RIPK4: variants seen among roughly 807,000 people sequenced by gnomAD.
The protein encoded by RIPK4 is receptor interacting serine/threonine kinase 4.
A neutral mutation model predicts 42.9 loss-of-function variants in RIPK4; 17 were observed. The ratio of observed to expected loss-of-function variants is 0.40; its 90% confidence interval spans 0.27 to 0.59. The LOEUF (loss-of-function observed/expected upper bound fraction) is 0.59, where lower values mean the gene tolerates loss of function less well. Among genes scored for constraint, RIPK4 ranks in the 20% least tolerant of loss-of-function variants. RIPK4 has a pLI of 0.47. For missense variants in RIPK4, 897 were observed against 1,104.4 expected (o/e 0.81, Z 2.66); for synonymous variants, 498 against 499.1 (o/e 1.00, Z 0.03).
rs749072810 is a variant in RIPK4 at position 41,756,673 on chromosome 21, G to C, written c.326C>G (p.Ala109Gly). The change falls in exon 2 of 8, where the codon GCT (alanine) becomes GGT (glycine). Residue 109 changes from alanine to glycine, a missense_variant. Coordinates refer to ENST00000332512, the MANE Select transcript of RIPK4 (RefSeq NM_020639.3). ...GAGATCCCATGGCAATGGCTCCGAAGCCAGCAGCTTTTCCAGGGAGCCCGT... is the reference window on the plus strand; with the variant it reads ...GAGATCCCATGGCAATGGCTCCGAACCCAGCAGCTTTTCCAGGGAGCCCGT... ...METGSLEKLL[A>G]SEPLPWDLRF... 1 of 1,614,210 alleles carries C rather than the reference G, an allele frequency of 6.2e-7. No individual in the cohort carries two copies. Among genetic ancestry groups the C allele is most frequent in the Non-Finnish European group, 8.5e-7 (1 of 1,180,050 alleles).
At chr21:41,754,697 C>G (rs1882736205) in intron 2 of RIPK4, among the ~76,000 whole-genome samples, 1 of 152,232 alleles carries the variant, frequency 6.6e-6, no homozygotes, top group African/African-American at 2.4e-5. Context: ...AAAAGCCCCA[C>G]CCTGTGTGAA....
chr21:41,758,041 T>TAGAGAGAGAGAGAG (rs71188681), intron 1 of RIPK4, among the ~76,000 whole-genome samples: 6 of 58,486 alleles, frequency 1.0e-4, no homozygotes, highest in South Asian at 6.7e-4. Context: ...TATATATATA[T>TAGAGAGAGAGAGAG]AGAGAGAGAG....
chr21:41,766,554 C>T (rs1483071233), intron 1 of RIPK4, among the ~76,000 whole-genome samples: 3 of 152,118 alleles, frequency 2.0e-5, no homozygotes, highest in African/African-American at 7.2e-5. Context: ...CACGACTGGG[C>T]GCCTTAGGAC....
At chr21:41,756,417 T>A in intron 2 of RIPK4, 108 bp downstream of exon 2, 1 of 1,347,518 alleles carries the variant, frequency 7.4e-7, no homozygotes, top group Non-Finnish European at 1.0e-6. Context: ...AAGAACCACC[T>A]CCTCTTCTGC....
intron 1 of RIPK4, among the ~76,000 whole-genome samples, chr21:41,763,901 T>C (rs1401513465): frequency 6.6e-6 from 1 of 152,116 alleles, no homozygotes; most frequent in Non-Finnish European, 1.5e-5. Flanking sequence ...ACGGGGCCTT[T>C]GGGATCACTT....
At chr21:41,759,702 C>T (rs1191000763) in intron 1 of RIPK4, among the ~76,000 whole-genome samples, 2 of 152,242 alleles carry the variant, frequency 1.3e-5, no homozygotes, top group South Asian at 2.1e-4. Flanking sequence ...CATTTCCTCG[C>T]CTGCTGGTGA....
At position 41,741,134 on chromosome 21, in the gene RIPK4, T is replaced by C. The variant is rs778622187; in HGVS notation, c.2059A>G (p.Lys687Glu). 1.9e-6 allele frequency: 3 copies of C among 1,612,826 alleles called. No homozygotes were observed. The East Asian group carries it at 6.7e-5, about 36-fold the overall frequency. Residue 687 changes from lysine to glutamate, a missense_variant, in exon 8 of 8, where the codon AAG becomes GAG. Transcript: ENST00000332512. ...AARNGHLATV[K>E]LLVEEKADVL... The stretch of plus-strand genomic sequence containing the variant: ...TCGGCCTTCTCCTCGACAAGCAGCT[T>C]GACAGTGGCCAGGTGTCCGTTGCGG...
At chr21:41,743,413 T>TC (rs1285561915) in intron 7 of RIPK4, among the ~76,000 whole-genome samples, 1 of 152,204 alleles carries the variant, frequency 6.6e-6, no homozygotes, top group Non-Finnish European at 1.5e-5. Flanking sequence ...TGGTAAAACC[T>TC]CCAAGGATAA....
In RIPK4 at chr21:41,744,088, T is replaced by C. The variant is rs1056931867; in HGVS notation, c.989A>G (p.Tyr330Cys). Residue 330 changes from tyrosine to cysteine, a missense_variant, in exon 7 of 8, where the codon TAC becomes TGC. Physicochemically the swap from Tyr to Cys is radical, Grantham distance 194. Transcript: ENST00000332512. ...CTGTGAGAGCAGCTCGGAGAGGCTG[T>C]AGTCGTTATCGAAGGTGGGGGCAGA... ...RASAPTFDND[Y>C]SLSELLSQLD... 4 of 1,609,412 alleles carry C rather than the reference T, an allele frequency of 2.5e-6. No homozygotes were observed. Among genetic ancestry groups the C allele is most frequent in the African/African-American group, 2.7e-5 (2 of 74,802 alleles).
At chr21:41,748,153 G>C (rs1183626177) in intron 4 of RIPK4, among the ~76,000 whole-genome samples, 5 of 152,214 alleles carry the variant, frequency 3.3e-5, no homozygotes, top group African/African-American at 1.2e-4. Flanking sequence ...GGCCAGCAGA[G>C]GCCTGGCAGG....
Position 41,754,836 on chromosome 21 carries a change from C to T in RIPK4, c.474+1689G>A, listed in dbSNP as rs975244123. On this transcript the variant is annotated intron_variant, in intron 2 of 7. Coordinates refer to ENST00000332512, the MANE Select transcript of RIPK4 (RefSeq NM_020639.3). ...CATTTGGTTTCTTTCATGTCAAGCA[C>T]AGTGGCAGGCCAGGTGGAAATCAAG... 5.9e-5 allele frequency among the ~76,000 whole-genome samples: 9 copies of T among 152,288 alleles called. No homozygotes were observed. In the East Asian group the frequency reaches 1.7e-3, roughly 29 times the overall value.
At chr21:41,766,651 G>A (rs574018019) in intron 1 of RIPK4, among the ~76,000 whole-genome samples, 20 of 152,202 alleles carry the variant, frequency 1.3e-4, no homozygotes, top group African/African-American at 4.6e-4. Flanking sequence ...ATCGAGCCCG[G>A]GCTCGCCAAA....
chr21:41,748,069 T>C (rs753782703), intron 4 of RIPK4, among the ~76,000 whole-genome samples: 2 of 152,240 alleles, frequency 1.3e-5, no homozygotes, highest in Non-Finnish European at 2.9e-5. Flanking sequence ...GCCTTCGGGC[T>C]GTAGGCCACT....
chr21:41,750,957 C>A, intron 3 of RIPK4, 140 bp downstream of exon 3: 1 of 1,040,828 alleles, frequency 9.6e-7, no homozygotes, highest in East Asian at 2.6e-5. Context: ...GGATTACAGG[C>A]GTGAGTCACC....
intron 3 of RIPK4, among the ~76,000 whole-genome samples, chr21:41,749,675 C>T (rs1301575625): frequency 6.6e-6 from 1 of 152,148 alleles, no homozygotes; most frequent in Non-Finnish European, 1.5e-5. Flanking sequence ...GCGTTCCTAA[C>T]GTAGGCTTGC....
At chr21:41,764,686 C>T (rs1432509131) in intron 1 of RIPK4, among the ~76,000 whole-genome samples, 2 of 152,186 alleles carry the variant, frequency 1.3e-5, no homozygotes, top group Admixed American at 6.5e-5. Context: ...TGCAATGCAA[C>T]CAGCTCCTGG....
At chr21:41,764,006 T>C (rs1392936728) in intron 1 of RIPK4, among the ~76,000 whole-genome samples, 11 of 151,980 alleles carry the variant, frequency 7.2e-5, no homozygotes, top group African/African-American at 2.7e-4. Context: ...GCCAGCTGCC[T>C]CTCCAAAGCC....
chr21:41,765,000 T>A (rs2061231828), intron 1 of RIPK4, among the ~76,000 whole-genome samples: 1 of 152,186 alleles, frequency 6.6e-6, no homozygotes, highest in Non-Finnish European at 1.5e-5. Flanking sequence ...TCAACCAAGC[T>A]ATGCAATATC....
Position 41,741,032 on chromosome 21 carries a change from C to T in RIPK4, c.2161G>A (p.Glu721Lys). ...AAHGHSEVVEELVSADVIDLF... is the reference protein window; with the variant it reads ...AAHGHSEVVEKLVSADVIDLF... ...TCAATGACATCGGCGCTGACCAACTCCTCCACCACCTCCGAGTGCCCGTGG... is the reference window on the plus strand; with the variant it reads ...TCAATGACATCGGCGCTGACCAACTTCTCCACCACCTCCGAGTGCCCGTGG... The change falls in exon 8 of 8, where the codon GAG (glutamate) becomes AAG (lysine). Residue 721 changes from glutamate to lysine, a missense_variant. Physicochemically the swap from Glu to Lys is moderately conservative, Grantham distance 56. Coordinates refer to ENST00000332512, the MANE Select transcript of RIPK4 (RefSeq NM_020639.3). 3.1e-6 allele frequency: 5 copies of T among 1,609,490 alleles called. No homozygotes were observed. The highest frequency in any genetic ancestry group is 4.2e-6 in the Non-Finnish European group (5 of 1,179,294).
Sources: allele counts gnomAD v4.1 joint callset (sites outside exome capture counted in the v4.1 genomes callset), GRCh38; gene constraint gnomAD v4.1.1; transcripts MANE v1.5; gene names NCBI Gene and HGNC (gene_info 2026-07-23, HGNC 2026-07-21).